The following SPEN variants were observed in gnomAD, a reference collection of about 807,000 sequenced individuals.
The protein encoded by SPEN is spen family transcriptional repressor.
SPEN carries 18 observed loss-of-function variants against 269.9 expected under a neutral mutation model. The ratio of observed to expected loss-of-function variants is 0.07; its 90% confidence interval spans 0.05 to 0.10. SPEN has a LOEUF of 0.10. Ranked by LOEUF, SPEN falls within the 10% of genes least tolerant of loss-of-function variation. SPEN has a pLI of 1.00. For synonymous variants in SPEN, 1,726 were observed against 1,765.7 expected (o/e 0.98, Z 0.56); for missense variants, 3,822 against 4,631.2 (o/e 0.83, Z 5.07).
rs371193596 is a variant in SPEN at position 15,920,934 on chromosome 1, C to T, written c.1700C>T (p.Ala567Val). The T allele has an allele frequency of 6.2e-7, 1 of 1,613,076 alleles. No individual in the cohort carries two copies. Among genetic ancestry groups the T allele is most frequent in the East Asian group, 2.2e-5 (1 of 44,750 alleles). Residue 567 changes from alanine (A) to valine (V), a missense_variant, in exon 9 of 15, where the codon GCA becomes GTA. This residue lies in a region of SPEN where 230 missense variants were observed against 426.1 expected (regional missense o/e 0.54). Coordinates refer to ENST00000375759, the MANE Select transcript of SPEN (RefSeq NM_015001.3). ...TACAATGAAATTGAATATGCACAAG[C>T]AGCTGTAAAAGAGACCAAAGGGAGG... ...VLYNEIEYAQ[A>V]AVKETKGRKI...
At chr1:15,914,788 C>G (rs1038402708) in intron 5 of SPEN, among the ~76,000 whole-genome samples, 2 of 152,050 alleles carry the variant, frequency 1.3e-5, no homozygotes, top group Non-Finnish European at 2.9e-5. Flanking sequence ...TGCTCCGCTG[C>G]ACTCCAGCCT....
At chr1:15,913,405 A>T (rs2071028895) in intron 5 of SPEN, among the ~76,000 whole-genome samples, 1 of 152,022 alleles carries the variant, frequency 6.6e-6, no homozygotes, top group Admixed American at 6.5e-5. Flanking sequence ...TTGCTAACTG[A>T]ATTTCCGATC....
At chr1:15,873,399 A>G (rs1483746369) in intron 2 of SPEN, 1 of 1,175,564 alleles carries the variant, frequency 8.5e-7, no homozygotes. Flanking sequence ...TTTTGGAGTT[A>G]CCTGTCTTCT....
intron 1 of SPEN, among the ~76,000 whole-genome samples, chr1:15,851,656 G>T (rs2070336965): frequency 6.6e-6 from 1 of 152,178 alleles, no homozygotes; most frequent in South Asian, 2.1e-4. Flanking sequence ...TAAAGATTAT[G>T]CGGAGGTAAA....
intron 3 of SPEN, among the ~76,000 whole-genome samples, chr1:15,883,026 A>G (rs1465913771): frequency 6.6e-6 from 1 of 152,238 alleles, no homozygotes; most frequent in Middle Eastern, 3.2e-3. Context: ...AATGGGTGAC[A>G]GGGTCACTGC....
chr1:15,848,256 G>C lies in SPEN; in HGVS notation c.83+106G>C. Reference sequence around the variant, plus strand: ...GCGCGGAGCTGGTGAGGAGGACTCCGGCCCGGACCCACGGGCGCTGTGGGA... The same window carrying C: ...GCGCGGAGCTGGTGAGGAGGACTCCCGCCCGGACCCACGGGCGCTGTGGGA... On this transcript the variant is annotated intron_variant, in intron 1 of 14. Coordinates refer to ENST00000375759, the MANE Select transcript of SPEN (RefSeq NM_015001.3). This position sits in a 1 kb window ranked among gnomAD's most constrained non-coding sequence, Gnocchi z 5.1. The C allele has an allele frequency of 1.4e-6, 1 of 704,220 alleles. No homozygotes were observed. The highest frequency in any genetic ancestry group is 2.0e-6 in the Non-Finnish European group (1 of 490,202). The allele number at this position is 704,220 out of a possible 1,614,324, so 43.6% of individuals were successfully genotyped here. A position where few individuals can be genotyped will look rare whatever the true frequency, so the allele number is the denominator to read the frequency against.
At position 15,932,413 on chromosome 1, in the gene SPEN, C is replaced by T. The variant is rs199635467; in HGVS notation, c.6173C>T (p.Ala2058Val). ...AGTDKNPPET[A>V]PVEVVEKKPA... is the part of the protein sequence containing the mutation. ...ACAGACAAAAACCCCCCTGAAACCG[C>T]CCCTGTTGAAGTTGTAGAGAAAAAA... Residue 2058 changes from alanine (A) to valine (V), a missense_variant, in exon 11 of 15, where the codon GCC becomes GTC. Coordinates refer to ENST00000375759, the MANE Select transcript of SPEN (RefSeq NM_015001.3). The surrounding 1 kb of genome is among the most constrained non-coding windows in gnomAD (Gnocchi z 4.2). 5.0e-6 allele frequency: 8 copies of T among 1,614,060 alleles called. No homozygotes were observed. The highest frequency in any genetic ancestry group is 2.2e-5 in the East Asian group (1 of 44,862).
intron 3 of SPEN, among the ~76,000 whole-genome samples, chr1:15,897,963 A>G (rs1012008580): frequency 6.6e-6 from 1 of 152,208 alleles, no homozygotes; most frequent in Non-Finnish European, 1.5e-5. Context: ...ATAGTTGCAC[A>G]GTCACCAGTT....
chr1:15,875,464 T>C (rs923340728), intron 2 of SPEN, among the ~76,000 whole-genome samples: 1 of 152,172 alleles, frequency 6.6e-6, no homozygotes, highest in African/African-American at 2.4e-5. Flanking sequence ...ATTTGGAATT[T>C]GATAGCACAG....
intron 3 of SPEN, among the ~76,000 whole-genome samples, chr1:15,906,163 G>C (rs905001795): frequency 6.6e-6 from 1 of 152,124 alleles, no homozygotes; most frequent in Non-Finnish European, 1.5e-5. Context: ...ACAGAAGATT[G>C]ATTTCATTAA....
intron 1 of SPEN, among the ~76,000 whole-genome samples, chr1:15,864,271 T>A (rs1229453925): frequency 6.6e-6 from 1 of 151,756 alleles, no homozygotes; most frequent in African/African-American, 2.4e-5. Flanking sequence ...TGGGTTCAAG[T>A]GATTCTCGTG....
At chr1:15,855,401 T>C (rs1275032760) in intron 1 of SPEN, among the ~76,000 whole-genome samples, 1 of 152,238 alleles carries the variant, frequency 6.6e-6, no homozygotes, top group Non-Finnish European at 1.5e-5. Context: ...AAGTGATTTT[T>C]TTTTTACACA....
At position 15,932,212 on chromosome 1, in the gene SPEN, C is replaced by A. The variant is rs1421662514; in HGVS notation, c.5972C>A (p.Ala1991Asp). 3 of 1,612,686 alleles carry A rather than the reference C, an allele frequency of 1.9e-6. No homozygotes were observed. The highest frequency in any genetic ancestry group is 2.5e-6 in the Non-Finnish European group (3 of 1,179,646). ...TCGCCAAGGTCCCAGAAAACTGCAG[C>A]TGGTGGTGGACCCCAAGGGAAAAAG... ...WRSPRSQKTA[A>D]GGGPQGKKGK... is the part of the protein sequence containing the mutation. The change falls in exon 11 of 15, where the codon GCT becomes GAT. Residue 1991 changes from alanine (A) to aspartate (D), a missense_variant. Around this residue, in one of 16 missense-constraint regions of SPEN, gnomAD observed 533 missense variants for 618.8 expected, o/e 0.86. Coordinates refer to ENST00000375759, the MANE Select transcript of SPEN (RefSeq NM_015001.3). This position sits in a 1 kb window ranked among gnomAD's most constrained non-coding sequence, Gnocchi z 4.2.
Position 15,931,721 on chromosome 1 carries a change from T to C in SPEN, c.5481T>C (p.Pro1827=), listed in dbSNP as rs1338419361. Residue 1827 remains proline, a synonymous_variant, in exon 11 of 15, where the codon CCT becomes CCC. Coordinates refer to ENST00000375759, the MANE Select transcript of SPEN (RefSeq NM_015001.3). This position sits in a 1 kb window ranked among gnomAD's most constrained non-coding sequence, Gnocchi z 4.8. ...ACAAAAGCAAGCGTTCAAAGACCCC[T>C]GTTCAGGCAGCTGCAGTGAGTATCG... The part of the protein sequence containing the change: ...KPNKSKRSKT[P]VQAAAVSIVE... 1.2e-6 allele frequency: 2 copies of C among 1,613,986 alleles called. No individual in the cohort carries two copies. The highest frequency in any genetic ancestry group is 2.7e-5 in the African/African-American group (2 of 74,874).
At chr1:15,915,330 G>A (rs1321234741) in intron 5 of SPEN, among the ~76,000 whole-genome samples, 1 of 151,916 alleles carries the variant, frequency 6.6e-6, no homozygotes, top group Admixed American at 6.6e-5. Context: ...AGGCTGGGGG[G>A]GTGGAAAAAC....
chr1:15,887,920 C>T (rs1396508125), intron 3 of SPEN, among the ~76,000 whole-genome samples: 8 of 150,638 alleles, frequency 5.3e-5, no homozygotes, highest in Admixed American at 1.3e-4. Context: ...CCCAGCTGCT[C>T]GGGAGGCGGA....
In SPEN at chr1:15,934,517, G is replaced by A. The variant is rs200775617; in HGVS notation, c.8277G>A (p.Thr2759=). The change falls in exon 11 of 15, where the codon ACG becomes ACA. Residue 2759 remains threonine, a synonymous_variant. Coordinates refer to ENST00000375759, the MANE Select transcript of SPEN (RefSeq NM_015001.3). The surrounding 1 kb of genome is among the most constrained non-coding windows in gnomAD (Gnocchi z 9.2). ...ASGGVTATTG[T]VTMAGAVIAP... ...GTGGTGTAACGGCCACAACAGGCACGGTGACAATGGCAGGGGCAGTGATTG... is the reference window on the plus strand; with the variant it reads ...GTGGTGTAACGGCCACAACAGGCACAGTGACAATGGCAGGGGCAGTGATTG... The A allele has an allele frequency of 1.3e-4, 209 of 1,614,064 alleles. 1 individual carries two copies. Among genetic ancestry groups the A allele is most frequent in the South Asian group, 1.2e-3 (105 of 91,082 alleles).
chr1:15,909,510 C>G, intron 4 of SPEN, 29 bp downstream of exon 4: 3 of 1,606,574 alleles, frequency 1.9e-6, no homozygotes, highest in Non-Finnish European at 2.6e-6. Flanking sequence ...GTCCTTTCCT[C>G]TGTGCTACTA....
chr1:15,903,781 C>T (rs911623705), intron 3 of SPEN, among the ~76,000 whole-genome samples: 6 of 152,102 alleles, frequency 3.9e-5, no homozygotes, highest in Admixed American at 2.0e-4. Flanking sequence ...GCACTGTGCC[C>T]GGCTTCCAAT....
Sources: allele counts gnomAD v4.1 joint callset (sites outside exome capture counted in the v4.1 genomes callset), GRCh38; gene constraint gnomAD v4.1.1; regional missense constraint gnomAD v4.1.1; non-coding constraint Gnocchi (gnomAD v3.1); transcripts MANE v1.5; gene names NCBI Gene and HGNC (gene_info 2026-07-23, HGNC 2026-07-21).